Variants in SKAP1 observed in about 807,000 individuals in gnomAD.
SKAP1 encodes the protein src kinase-associated phosphoprotein 1.
In SKAP1, 44 loss-of-function variants were observed where a neutral mutation model predicts 58.5. That is an observed-to-expected ratio of 0.75 (90% CI 0.59 to 0.97). The LOEUF (loss-of-function observed/expected upper bound fraction) is 0.97, where lower values mean the gene tolerates loss of function less well. Ranked by LOEUF, SKAP1 falls within the 50% of genes least tolerant of loss-of-function variation. SKAP1 has a pLI of 0.00. For synonymous variants in SKAP1, 127 were observed against 149.7 expected (o/e 0.85, Z 1.11); for missense variants, 390 against 435.2 (o/e 0.90, Z 0.92).
chr17:48,439,238 C>T, the SKAP1 span, among the ~76,000 whole-genome samples: 1 of 152,236 alleles, frequency 6.6e-6, no homozygotes, highest in Non-Finnish European at 1.5e-5. Flanking sequence ...TATTTTGCAT[C>T]ATGAGACTAT....
chr17:48,222,956 CG>C (rs1349318261), intron 4 of SKAP1, among the ~76,000 whole-genome samples: 1 of 142,124 alleles, frequency 7.0e-6, no homozygotes, highest in Non-Finnish European at 1.5e-5. Flanking sequence ...CCCAGCTACT[CG>C]GGAGGCTGAG....
chr17:48,177,629 C>G (rs1035321411), intron 9 of SKAP1, among the ~76,000 whole-genome samples: 1 of 152,048 alleles, frequency 6.6e-6, no homozygotes, highest in Non-Finnish European at 1.5e-5. Flanking sequence ...CAGTGTTAGG[C>G]CCCCTCACAT....
chr17:48,149,359 C>T (rs1033754219), intron 11 of SKAP1, among the ~76,000 whole-genome samples: 1 of 152,136 alleles, frequency 6.6e-6, no homozygotes, highest in African/African-American at 2.4e-5. Flanking sequence ...AGAGGGATGA[C>T]AAGTCACCAT....
the SKAP1 span, among the ~76,000 whole-genome samples, chr17:48,438,939 A>T: frequency 6.6e-6 from 1 of 152,204 alleles, no homozygotes; most frequent in African/African-American, 2.4e-5. Context: ...AAGAGAGTGA[A>T]TGAGAAGTTG....
In SKAP1 at chr17:48,391,784, C is replaced by CTT. The variant is rs35958466; in HGVS notation, c.152+4894_152+4895dup. Among the ~76,000 whole-genome samples, 1,178 of 130,814 alleles carry CTT rather than the reference C, an allele frequency of 9.0e-3. 12 individuals carry two copies. The highest frequency in any genetic ancestry group is 0.031 in the Middle Eastern group (8 of 254). 85.8% of individuals were successfully genotyped at this position (130,814 alleles called of 152,430 possible). On this transcript the variant is annotated intron_variant, in intron 2 of 12. Transcript: ENST00000336915. ...AGACGGATCATTCAACTACCTCTTC[C>CTT]TTTTTTTTTTTTTTTTTTTCTGCAT...
the SKAP1 span, among the ~76,000 whole-genome samples, chr17:48,439,811 C>T: frequency 1.3e-5 from 2 of 152,136 alleles, no homozygotes; most frequent in African/African-American, 4.8e-5. Flanking sequence ...AAATGAGATG[C>T]ACTAAACATG....
At chr17:48,250,212 T>C (rs939130618) in intron 4 of SKAP1, among the ~76,000 whole-genome samples, 1 of 147,108 alleles carries the variant, frequency 6.8e-6, no homozygotes, top group Admixed American at 6.8e-5. Flanking sequence ...CATTTTAATA[T>C]AAAACATATT....
At chr17:48,216,246 A>G (rs1712315159) in intron 4 of SKAP1, among the ~76,000 whole-genome samples, 1 of 152,160 alleles carries the variant, frequency 6.6e-6, no homozygotes, top group African/African-American at 2.4e-5. Flanking sequence ...TCTGAGGAAA[A>G]TGGTGCCAGC....
chr17:48,331,213 T>C (rs2066501936), intron 4 of SKAP1, among the ~76,000 whole-genome samples: 1 of 152,150 alleles, frequency 6.6e-6, no homozygotes, highest in Non-Finnish European at 1.5e-5. Flanking sequence ...AATTGTGGAA[T>C]AGAACACAGA....
At chr17:48,200,015 C>T (rs1004292778) in intron 4 of SKAP1, among the ~76,000 whole-genome samples, 10 of 151,986 alleles carry the variant, frequency 6.6e-5, no homozygotes, top group African/African-American at 2.2e-4. Flanking sequence ...GGAAGGCTGG[C>T]GCGGTGGCTT....
At chr17:48,432,620 G>A (rs1458011142), upstream of SKAP1, among the ~76,000 whole-genome samples, 1 of 152,086 alleles carries the variant, frequency 6.6e-6, no homozygotes, top group East Asian at 1.9e-4. Context: ...AGATACATGG[G>A]AACTGTCTGT....
intron 11 of SKAP1, among the ~76,000 whole-genome samples, chr17:48,142,922 C>T (rs2063785459): frequency 6.6e-6 from 1 of 151,850 alleles, no homozygotes; most frequent in East Asian, 1.9e-4. Context: ...CCGCTTCAGC[C>T]TCCTAAGTAA....
chr17:48,433,536 A>G (rs778235095), upstream of SKAP1, among the ~76,000 whole-genome samples: 3 of 152,154 alleles, frequency 2.0e-5, no homozygotes, highest in Non-Finnish European at 4.4e-5. Context: ...GCAAGATCTT[A>G]GCATCCTCTT....
intron 10 of SKAP1, among the ~76,000 whole-genome samples, chr17:48,166,188 A>G (rs1209681604): frequency 6.6e-6 from 1 of 152,236 alleles, no homozygotes; most frequent in Non-Finnish European, 1.5e-5. Flanking sequence ...CTTTTTCTAG[A>G]GAAAAAAAAG....
chr17:48,365,685 T>C (rs1480558014), intron 2 of SKAP1, among the ~76,000 whole-genome samples: 2 of 152,078 alleles, frequency 1.3e-5, no homozygotes, highest in Non-Finnish European at 2.9e-5. Context: ...ATATTAACTC[T>C]TGCTATAGAC....
rs771265934 is a variant in SKAP1 at position 48,184,791 on chromosome 17, G to A, written c.499C>T (p.His167Tyr). 5.0e-6 allele frequency: 8 copies of A among 1,613,688 alleles called. No homozygotes were observed. The highest frequency in any genetic ancestry group is 6.8e-6 in the Non-Finnish European group (8 of 1,179,732). ...TCTTTCTTGGAATCTCTTCGCAGGT[G>A]GGGGGCCATCCGTACACCGTAGCCC... The part of the protein sequence containing the change: ...IKGYGVRMAP[H>Y]LRRDSKKESC... The change falls in exon 7 of 13, where the codon CAC becomes TAC. Residue 167 changes from histidine (H) to tyrosine (Y), a missense_variant. Coordinates refer to ENST00000336915, the MANE Select transcript of SKAP1 (RefSeq NM_003726.4).
intron 4 of SKAP1, among the ~76,000 whole-genome samples, chr17:48,242,811 G>C (rs1017480528): frequency 1.3e-5 from 2 of 152,188 alleles, no homozygotes; most frequent in African/African-American, 2.4e-5. Flanking sequence ...ATCTCCCCTA[G>C]TAGGTCTATC....
chr17:48,162,470 T>C lies in SKAP1; in HGVS notation c.977A>G (p.Lys326Arg). ...QRGDLIRILS[K>R]EYNMYGWWVG... ...AAGCCCCACACTTTCTGTCCTTACC[T>C]TGCTCAGAATACGGATGAGGTCACC... Residue 326 changes from lysine to arginine, a missense_variant and splice_region_variant, in exon 11 of 13, where the codon AAG becomes AGG. Physicochemically the swap from Lys to Arg is conservative, Grantham distance 26. Coordinates refer to ENST00000336915, the MANE Select transcript of SKAP1 (RefSeq NM_003726.4). 6.2e-7 allele frequency: 1 copy of C among 1,611,414 alleles called. No individual in the cohort carries two copies. Among genetic ancestry groups the C allele is most frequent in the Non-Finnish European group, 8.5e-7 (1 of 1,177,876 alleles).
chr17:48,385,966 T>C (rs928211867), intron 2 of SKAP1, among the ~76,000 whole-genome samples: 2 of 152,186 alleles, frequency 1.3e-5, no homozygotes, highest in African/African-American at 4.8e-5. Context: ...CTGGAATGCC[T>C]GGCATCCATG....
Sources: allele counts gnomAD v4.1 joint callset (sites outside exome capture counted in the v4.1 genomes callset), GRCh38; gene constraint gnomAD v4.1.1; transcripts MANE v1.5; gene names NCBI Gene and HGNC (gene_info 2026-07-23, HGNC 2026-07-21).